The following SGK1 variants were observed in gnomAD, a reference collection of about 807,000 sequenced individuals.
SGK1 encodes serine/threonine-protein kinase Sgk1.
In SGK1, 26 loss-of-function variants were observed where a neutral mutation model predicts 64.2. The ratio of observed to expected loss-of-function variants is 0.40; its 90% confidence interval spans 0.30 to 0.56. The LOEUF (loss-of-function observed/expected upper bound fraction) is 0.56, where lower values mean the gene tolerates loss of function less well. Ranked by LOEUF, SGK1 falls within the 20% of genes least tolerant of loss-of-function variation. SGK1 has a pLI of 0.38. For synonymous variants in SGK1, 265 were observed against 239.7 expected, an observed-to-expected ratio of 1.11 and a Z score of -0.98; for missense variants, 519 against 645.6, an observed-to-expected ratio of 0.80 and a Z score of 2.12.
chr6:134,175,940 A>C, intron 3 of SGK1: 15 of 818,662 alleles, frequency 1.8e-5, no homozygotes, highest in Middle Eastern at 5.2e-4. Flanking sequence ...TGTGGAGGGG[A>C]GGGGGCGGAA....
At chr6:134,298,123 A>C (rs1173216910) in intron 1 of SGK1, 6 of 1,340,610 alleles carry the variant, frequency 4.5e-6, no homozygotes, top group Non-Finnish European at 6.4e-6. Context: ...CTTCATCCAC[A>C]TCCTTCTTGA....
At chr6:134,244,090 C>T (rs924375036) in intron 2 of SGK1, among the ~76,000 whole-genome samples, 12 of 152,134 alleles carry the variant, frequency 7.9e-5, no homozygotes, top group Admixed American at 3.3e-4. Flanking sequence ...AACCCATCAT[C>T]TACATTAGGT....
chr6:134,262,880 A>G (rs1481053666), intron 1 of SGK1, among the ~76,000 whole-genome samples: 3 of 150,946 alleles, frequency 2.0e-5, no homozygotes, highest in Non-Finnish European at 2.9e-5. Flanking sequence ...TGTCTCTACG[A>G]AAAAAATAAC....
At chr6:134,282,623 A>G (rs1777111896) in intron 1 of SGK1, among the ~76,000 whole-genome samples, 1 of 151,482 alleles carries the variant, frequency 6.6e-6, no homozygotes, top group African/African-American at 2.4e-5. Flanking sequence ...ACCGCACTCC[A>G]GCCTGGGCAA....
intron 1 of SGK1, among the ~76,000 whole-genome samples, chr6:134,281,425 C>T (rs76237814): frequency 0.059 from 8,972 of 151,736 alleles, 393 homozygotes; most frequent in Non-Finnish European, 0.085. Flanking sequence ...GAATCCTCTG[C>T]AAGCATTTAA....
At chr6:134,298,217 G>T in intron 1 of SGK1, 1 of 1,563,832 alleles carries the variant, frequency 6.4e-7, no homozygotes, top group Non-Finnish European at 8.7e-7. Flanking sequence ...TCTGCCTCCA[G>T]CTTCAGCTTC....
chr6:134,232,133 A>C (rs1444021293), intron 2 of SGK1, among the ~76,000 whole-genome samples: 4 of 151,898 alleles, frequency 2.6e-5, no homozygotes, highest in Non-Finnish European at 2.9e-5. Context: ...TCACGCCTAT[A>C]ATCCCAACAC....
intron 1 of SGK1, among the ~76,000 whole-genome samples, chr6:134,298,861 C>T (rs1777403766): frequency 6.6e-6 from 1 of 151,784 alleles, no homozygotes; most frequent in African/African-American, 2.4e-5. Flanking sequence ...AGTGCAGTGG[C>T]TCAATCTCGG....
chr6:134,177,858 T>G (rs1305336339), intron 3 of SGK1: 32 of 1,585,906 alleles, frequency 2.0e-5, no homozygotes, highest in Non-Finnish European at 2.6e-5. Flanking sequence ...CCCTGTTCTG[T>G]TATGAACCCC....
intron 2 of SGK1, among the ~76,000 whole-genome samples, chr6:134,228,159 T>C (rs1199656891): frequency 6.6e-6 from 1 of 152,108 alleles, no homozygotes; most frequent in Non-Finnish European, 1.5e-5. Flanking sequence ...TTCACCATGT[T>C]GGCCAGGCTG....
At chr6:134,174,132 C>G (rs1159448695) in intron 4 of SGK1, 52 bp from the exon 5 acceptor site, 2 of 1,321,914 alleles carry the variant, frequency 1.5e-6, no homozygotes, top group Non-Finnish European at 2.1e-6. Flanking sequence ...CTAGGGGGCA[C>G]ACCAACATCA....
At chr6:134,174,662 T>C in intron 3 of SGK1, 76 bp from the exon 4 acceptor site, 1 of 1,608,914 alleles carries the variant, frequency 6.2e-7, no homozygotes, top group Non-Finnish European at 8.5e-7. Flanking sequence ...ACTAATCTGA[T>C]CCGGGACTTT....
At chr6:134,181,089 A>C (rs1763528) in intron 3 of SGK1, among the ~76,000 whole-genome samples, 112,290 of 152,062 alleles carry the variant, frequency 0.74, 42,708 homozygotes, top group African/African-American at 0.91. Flanking sequence ...CCAAGGTAAA[A>C]CTACGTGGGC....
rs771204086 is a variant in SGK1, at chr6:134,232,411, A to AAGAAAAGAAAGAGAG, written c.286-24981_286-24980insCTCTCTTTCTTTTCT. On this transcript the variant is annotated intron_variant, in intron 2 of 13. Coordinates refer to ENST00000367858, the MANE Select transcript of SGK1 (RefSeq NM_001143676.3). The stretch of plus-strand genomic sequence containing the variant: ...AAAAAAGAAAGAAGAAAAAGAAAGA[A>AAGAAAAGAAAGAGAG]AGAGAAAGAAAGAAAGAAAGAAAGA... Among the ~76,000 whole-genome samples the AAGAAAAGAAAGAGAG allele has an allele frequency of 1.2e-3, 37 of 30,312 alleles. 2 individuals carry two copies. The highest frequency in any genetic ancestry group is 2.2e-3 in the Non-Finnish European group (32 of 14,612). The allele number at this position is 30,312 out of a possible 152,430, so 19.9% of individuals were successfully genotyped here.
chr6:134,174,036 G>C lies in SGK1; in HGVS notation c.482C>G (p.Pro161Arg). The C allele has an allele frequency of 6.2e-7, 1 of 1,613,548 alleles. No individual in the cohort carries two copies. Residue 161 changes from proline to arginine, a missense_variant, in exon 5 of 14, where the codon CCT becomes CGT. Physicochemically the swap from Pro to Arg is moderately radical, Grantham distance 103. This residue lies in a region of SGK1 where 241 missense variants were observed against 236.9 expected (regional missense o/e 1.02). Coordinates refer to ENST00000367858, the MANE Select transcript of SGK1 (RefSeq NM_001143676.3). The part of the protein sequence containing the change: ...SILKISQPQE[P>R]ELMNANPSPP... Reference sequence around the variant, plus strand: ...AGAAGGGTTGGCATTCATAAGCTCAGGCTCCTGAGGTTGGGAGATCTTCAA... The same window carrying C: ...AGAAGGGTTGGCATTCATAAGCTCACGCTCCTGAGGTTGGGAGATCTTCAA...
chr6:134,246,818 C>A (rs1274034870), intron 2 of SGK1, among the ~76,000 whole-genome samples: 1 of 152,130 alleles, frequency 6.6e-6, no homozygotes, highest in Non-Finnish European at 1.5e-5. Flanking sequence ...GTCTCAAACT[C>A]CTGACCTCAG....
chr6:134,289,598 A>G (rs545476313), intron 1 of SGK1, among the ~76,000 whole-genome samples: 2 of 152,276 alleles, frequency 1.3e-5, no homozygotes, highest in Non-Finnish European at 2.9e-5. Flanking sequence ...AATATTTTAT[A>G]TTCTCTTTTT....
intron 1 of SGK1, among the ~76,000 whole-genome samples, chr6:134,305,911 A>G (rs1282949141): frequency 6.6e-6 from 1 of 152,052 alleles, no homozygotes; most frequent in South Asian, 2.1e-4. Flanking sequence ...TCCTCCATAG[A>G]CCTTAGGCAT....
Position 134,305,128 on chromosome 6 carries a change from C to T in SGK1, c.69+12264G>A, listed in dbSNP as rs528891041. Among the ~76,000 whole-genome samples, 41 of 152,092 alleles carry T rather than the reference C, an allele frequency of 2.7e-4. No homozygotes were observed. In the East Asian group the frequency reaches 6.8e-3, roughly 25 times the overall value. ...CCCAAAACACTTTGGGAGGCCAAGACGGGTGGCTCACCTGAGGTCAGGAGT... is the reference window on the plus strand; with the variant it reads ...CCCAAAACACTTTGGGAGGCCAAGATGGGTGGCTCACCTGAGGTCAGGAGT... On this transcript the variant is annotated intron_variant, in intron 1 of 13. Transcript: ENST00000367858.
Sources: allele counts gnomAD v4.1 joint callset (sites outside exome capture counted in the v4.1 genomes callset), GRCh38; gene constraint gnomAD v4.1.1; regional missense constraint gnomAD v4.1.1; transcripts MANE v1.5; gene names NCBI Gene and HGNC (gene_info 2026-07-23, HGNC 2026-07-21).